Variants in SH3RF2 observed in about 807,000 individuals in gnomAD.
The protein encoded by SH3RF2 is E3 ubiquitin-protein ligase SH3RF2.
SH3RF2 carries 43 observed loss-of-function variants against 59.0 expected under a neutral mutation model. The ratio of observed to expected loss-of-function variants is 0.73; its 90% CI spans 0.57 to 0.94. The LOEUF is 0.94. Ranked by LOEUF, SH3RF2 falls within the 40% of genes least tolerant of loss-of-function variation. SH3RF2 has a pLI of 0.00. For synonymous variants in SH3RF2, 391 were observed against 391.5 expected (o/e 1.00, Z 0.01); for missense variants, 930 against 940.1 (o/e 0.99, Z 0.14).
downstream of SH3RF2, among the ~76,000 whole-genome samples, chr5:146,067,369 T>C (rs569976665): frequency 4.9e-4 from 74 of 152,282 alleles, no homozygotes; most frequent in African/African-American, 1.7e-3. Context: ...AGCAGCCTGC[T>C]TCACTCACCC....
intron 2 of SH3RF2, among the ~76,000 whole-genome samples, chr5:145,989,131 C>CA (rs768360277): frequency 5.3e-5 from 8 of 152,104 alleles, no homozygotes; most frequent in Non-Finnish European, 1.0e-4. Flanking sequence ...TGCAATTATG[C>CA]AAATCATGTT....
chr5:146,047,702 GCT>G, intron 5 of SH3RF2, 68 bp from the exon 6 acceptor site: 1 of 1,439,100 alleles, frequency 6.9e-7, no homozygotes, highest in Non-Finnish European at 9.7e-7. Flanking sequence ...CTACGTAGCT[GCT>G]CTGTTTGCTG....
rs550940062 is a variant in SH3RF2, at chr5:146,024,399, G to A, written c.1059+10338G>A. ...GGAGAACTGTTTTTTTATATCCTTTGCCCATTTTATCATCGGGTTTCCTTA... is the reference window on the plus strand; with the variant it reads ...GGAGAACTGTTTTTTTATATCCTTTACCCATTTTATCATCGGGTTTCCTTA... On this transcript the variant is annotated intron_variant, in intron 5 of 9. Coordinates refer to ENST00000359120, the MANE Select transcript of SH3RF2 (RefSeq NM_152550.4). 1.2e-4 allele frequency among the ~76,000 whole-genome samples: 18 copies of A among 152,206 alleles called. 1 individual carries two copies. Among genetic ancestry groups the A allele is most frequent in the South Asian group, 4.2e-4 (2 of 4,808 alleles).
chr5:145,981,562 A>C (rs938681857), intron 2 of SH3RF2, among the ~76,000 whole-genome samples: 1 of 152,188 alleles, frequency 6.6e-6, no homozygotes, highest in African/African-American at 2.4e-5. Flanking sequence ...AGATTGGGTC[A>C]TTTGCCTCGT....
intron 3 of SH3RF2, among the ~76,000 whole-genome samples, chr5:146,001,242 C>G (rs924321448): frequency 1.3e-5 from 2 of 152,220 alleles, no homozygotes; most frequent in African/African-American, 4.8e-5. Context: ...TCACATCTCT[C>G]ATAGAAACCA....
chr5:146,062,279 T>G, intron 9 of SH3RF2, 147 bp from the exon 10 acceptor site: 1 of 999,552 alleles, frequency 1.0e-6, no homozygotes, highest in Non-Finnish European at 1.5e-6. Context: ...CATCTTGTAC[T>G]TCCCCCATCT....
chr5:145,946,375 A>C (rs1177939568), intron 2 of SH3RF2, among the ~76,000 whole-genome samples: 3 of 152,176 alleles, frequency 2.0e-5, no homozygotes, highest in Admixed American at 2.0e-4. Context: ...AGCTTGGCCC[A>C]TATTAGGAAT....
rs60162868 is a variant in SH3RF2, at chr5:145,997,230, A to G, written c.379-2828A>G. The G allele has an allele frequency of 3.2e-3, 2,819 of 889,430 alleles. 61 individuals are homozygous for G. The African/African-American group carries it at 0.039, about 12-fold the overall frequency. The allele number at this position is 889,430 out of a possible 1,614,324, so 55.1% of individuals were successfully genotyped here. A position where few individuals can be genotyped will look rare whatever the true frequency, so the allele number is the denominator to read the frequency against. ...ACCCTGCTAGTAGATGGGAAAACTG[A>G]CAACCATGCCTGCAAGTCTGATACA... On this transcript the variant is annotated intron_variant, in intron 2 of 9. Coordinates refer to ENST00000359120, the MANE Select transcript of SH3RF2 (RefSeq NM_152550.4).
At chr5:146,031,186 C>T (rs891883663) in intron 5 of SH3RF2, among the ~76,000 whole-genome samples, 2 of 152,196 alleles carry the variant, frequency 1.3e-5, no homozygotes, top group African/African-American at 2.4e-5. Context: ...CATATGCCCC[C>T]AGGTTGGAAT....
chr5:145,966,840 G>A (rs1301009561), intron 2 of SH3RF2, among the ~76,000 whole-genome samples: 1 of 152,192 alleles, frequency 6.6e-6, no homozygotes, highest in Non-Finnish European at 1.5e-5. Flanking sequence ...TGGGTAACAT[G>A]TTGAAATCCT....
At position 146,055,965 on chromosome 5, in the gene SH3RF2, A is replaced by G; in HGVS notation, c.1323-16A>G. ...TCTCTATTTCTTCTCTTAAAAAAAAAATTTTCCAAAACCAGAAAGACCTCT... is the reference window on the plus strand; with the variant it reads ...TCTCTATTTCTTCTCTTAAAAAAAAGATTTTCCAAAACCAGAAAGACCTCT... On this transcript the variant is annotated splice_polypyrimidine_tract_variant and intron_variant, in intron 7 of 9. Coordinates refer to ENST00000359120, the MANE Select transcript of SH3RF2 (RefSeq NM_152550.4). 1 of 1,597,686 alleles carries G rather than the reference A, an allele frequency of 6.3e-7. No individual in the cohort carries two copies. Among genetic ancestry groups the G allele is most frequent in the Non-Finnish European group, 8.5e-7 (1 of 1,174,530 alleles).
intron 2 of SH3RF2, among the ~76,000 whole-genome samples, chr5:145,941,535 A>C (rs1175293395): frequency 6.6e-6 from 1 of 152,228 alleles, no homozygotes; most frequent in East Asian, 1.9e-4. Context: ...CAGTTAAAGC[A>C]AAGGAACTTG....
intron 2 of SH3RF2, among the ~76,000 whole-genome samples, chr5:145,992,539 GA>G (rs1759980768): frequency 6.6e-6 from 1 of 152,236 alleles, no homozygotes; most frequent in African/African-American, 2.4e-5. Context: ...ATTTACAAAA[GA>G]AAAAGGTTTA....
chr5:145,955,569 A>G (rs1003603652), intron 2 of SH3RF2, among the ~76,000 whole-genome samples: 3 of 152,316 alleles, frequency 2.0e-5, no homozygotes, highest in East Asian at 3.9e-4. Flanking sequence ...GTTGAAGAGA[A>G]AAAGGAAGAT....
chr5:146,010,635 A>G (rs1476088655), intron 4 of SH3RF2, among the ~76,000 whole-genome samples: 2 of 152,164 alleles, frequency 1.3e-5, no homozygotes, highest in Non-Finnish European at 2.9e-5. Context: ...GCCAGTGATG[A>G]TGAGCATTTT....
intron 2 of SH3RF2, among the ~76,000 whole-genome samples, chr5:145,946,338 A>C (rs1317438856): frequency 6.6e-6 from 1 of 152,206 alleles, no homozygotes; most frequent in Non-Finnish European, 1.5e-5. Flanking sequence ...TTATCTCTGA[A>C]TACTGTGCTC....
At chr5:146,064,599 GA>G (rs1211797904), downstream of SH3RF2, among the ~76,000 whole-genome samples, 1 of 117,902 alleles carries the variant, frequency 8.5e-6, no homozygotes, top group Non-Finnish European at 1.8e-5. Flanking sequence ...GAGAGAGAGA[GA>G]GAGAGAGAGA....
At chr5:146,010,123 G>A (rs1265043413) in intron 4 of SH3RF2, among the ~76,000 whole-genome samples, 1 of 151,682 alleles carries the variant, frequency 6.6e-6, no homozygotes, top group Non-Finnish European at 1.5e-5. Flanking sequence ...GTGAGAACAT[G>A]CGGTGTTTGG....
intron 5 of SH3RF2, among the ~76,000 whole-genome samples, chr5:146,024,575 T>C (rs1037810653): frequency 6.6e-6 from 1 of 152,238 alleles, no homozygotes; most frequent in African/African-American, 2.4e-5. Context: ...TCACATCTAC[T>C]CTTTCCTTTG....
Sources: gnomAD v4.1 joint callset for allele counts (sites outside exome capture counted in the v4.1 genomes callset) on GRCh38, gnomAD v4.1.1 for gene constraint, MANE v1.5 for transcripts, NCBI Gene and HGNC (gene_info 2026-07-23, HGNC 2026-07-21) for gene names.